Variants in ADCYAP1R1 observed in about 807,000 individuals in gnomAD.
ADCYAP1R1 encodes the protein ADCYAP receptor type I.
Under a neutral mutation model 67.6 loss-of-function variants are expected in ADCYAP1R1, and 44 were observed. That is an observed-to-expected ratio of 0.65 (90% CI 0.51 to 0.84). The LOEUF (loss-of-function observed/expected upper bound fraction) is 0.84, where lower values mean the gene tolerates loss of function less well. Among genes scored for constraint, ADCYAP1R1 ranks in the 40% least tolerant of loss-of-function variants. The probability of loss-of-function intolerance (pLI) is 0.00; values close to 1 mark genes in which losing one functional copy is unlikely to be tolerated. For missense variants in ADCYAP1R1, 477 were observed against 587.9 expected (o/e 0.81, Z 1.95); for synonymous variants, 222 against 219.6 (o/e 1.01, Z -0.10).
intron 1 of ADCYAP1R1, among the ~76,000 whole-genome samples, chr7:31,053,126 C>T (rs992217055): frequency 6.6e-6 from 1 of 152,162 alleles, no homozygotes. Context: ...GCTGGAGGGT[C>T]CCCCGGGGCT....
chr7:31,088,266 T>C (rs1795833681), intron 12 of ADCYAP1R1, among the ~76,000 whole-genome samples: 1 of 152,244 alleles, frequency 6.6e-6, no homozygotes, highest in Admixed American at 6.5e-5. Flanking sequence ...TGTTCAGTTT[T>C]CTATCAGATT....
chr7:31,081,054 T>G (rs1339707920), intron 5 of ADCYAP1R1, among the ~76,000 whole-genome samples: 2 of 152,202 alleles, frequency 1.3e-5, no homozygotes, highest in African/African-American at 4.8e-5. Context: ...GAGCAAATGA[T>G]GCAGCATGCA....
At chr7:31,089,867 C>G (rs1795895370) in intron 12 of ADCYAP1R1, among the ~76,000 whole-genome samples, 1 of 152,098 alleles carries the variant, frequency 6.6e-6, no homozygotes, top group African/African-American at 2.4e-5. Flanking sequence ...TCTGTTTATT[C>G]TTTTACTGTA....
At chr7:31,099,255 C>T (rs1311869145) in intron 13 of ADCYAP1R1, among the ~76,000 whole-genome samples, 1 of 152,212 alleles carries the variant, frequency 6.6e-6, no homozygotes, top group African/African-American at 2.4e-5. Context: ...CAGTCTTCAG[C>T]CCCTGCCCAT....
intron 12 of ADCYAP1R1, among the ~76,000 whole-genome samples, chr7:31,091,734 G>A (rs1795969800): frequency 6.6e-6 from 1 of 152,076 alleles, no homozygotes; most frequent in Non-Finnish European, 1.5e-5. Flanking sequence ...TTGTAGCAGA[G>A]AACACGATTG....
rs62450073 is a variant in ADCYAP1R1, at chr7:31,066,083, G to C, written c.157+1147G>C. On this transcript the variant is annotated intron_variant, in intron 3 of 15. Transcript: ENST00000304166. ...CCAGTGAGGGAAACTGAGGCAGGGGGCCAGAAGGGCACACAGTTGGAGGAG... is the reference window on the plus strand; with the variant it reads ...CCAGTGAGGGAAACTGAGGCAGGGGCCCAGAAGGGCACACAGTTGGAGGAG... 4.6e-5 allele frequency among the ~76,000 whole-genome samples: 7 copies of C among 152,256 alleles called. No homozygotes were observed. In the East Asian group the frequency reaches 1.4e-3, roughly 30 times the overall value.
At chr7:31,053,453 A>G (rs1043160696) in intron 1 of ADCYAP1R1, among the ~76,000 whole-genome samples, 6 of 152,204 alleles carry the variant, frequency 3.9e-5, no homozygotes, top group African/African-American at 1.4e-4. Flanking sequence ...CGGAGGCCAC[A>G]TCCTCGGCGG....
rs1584514841 is a variant in ADCYAP1R1 at position 31,084,353 on chromosome 7, C to T, written c.438+103C>T. The T allele has an allele frequency of 1.3e-5, 11 of 876,836 alleles. No individual in the cohort carries two copies. In the East Asian group the frequency reaches 2.7e-4, roughly 22 times the overall value. The allele number at this position is 876,836 out of a possible 1,614,324, so 54.3% of individuals were successfully genotyped here. A position where few individuals can be genotyped will look rare whatever the true frequency, so the allele number is the denominator to read the frequency against. ...AGCACCTGCTGGGGCTGAGAAGCAA[C>T]TGGGATGCTGCCTACTCCTCCCCAC... is the stretch of plus-strand genomic sequence containing the variant. On this transcript the variant is annotated intron_variant, in intron 7 of 15. Coordinates refer to ENST00000304166, the MANE Select transcript of ADCYAP1R1 (RefSeq NM_001118.5).
At position 31,092,673 on chromosome 7, in the gene ADCYAP1R1, C is replaced by T. The variant is rs1173609428; in HGVS notation, c.984C>T (p.Ile328=). The T allele has an allele frequency of 2.2e-5, 36 of 1,609,654 alleles. No homozygotes were observed. The highest frequency in any genetic ancestry group is 1.6e-4 in the Middle Eastern group (1 of 6,074). Residue 328 remains isoleucine, a synonymous_variant, in exon 13 of 16, where the codon ATC becomes ATT. Coordinates refer to ENST00000304166, the MANE Select transcript of ADCYAP1R1 (RefSeq NM_001118.5). The stretch of plus-strand genomic sequence containing the variant: ...ACTTTGTGCTTTTTATTGGCATTAT[C>T]GTCATCCTTGTGCAGAAACTTCAGT... ...MVNFVLFIGI[I]VILVQKLQSP...
chr7:31,096,570 A>G (rs1225181362), intron 13 of ADCYAP1R1, among the ~76,000 whole-genome samples: 1 of 152,232 alleles, frequency 6.6e-6, no homozygotes, highest in Non-Finnish European at 1.5e-5. Context: ...CCCAGCAGTC[A>G]GTGGCTGAGC....
intron 4 of ADCYAP1R1, 74 bp from the exon 5 acceptor site, chr7:31,080,539 A>C: frequency 1.4e-6 from 2 of 1,478,200 alleles, no homozygotes; most frequent in Non-Finnish European, 1.9e-6. Flanking sequence ...AGACCCAAGG[A>C]GAGCAGCCCC....
chr7:31,055,446 A>G (rs1041728823), intron 1 of ADCYAP1R1, among the ~76,000 whole-genome samples: 2 of 152,192 alleles, frequency 1.3e-5, no homozygotes, highest in African/African-American at 4.8e-5. Flanking sequence ...GCTTGTGTCC[A>G]TATACAACTA....
intron 3 of ADCYAP1R1, among the ~76,000 whole-genome samples, chr7:31,076,211 C>T (rs564711230): frequency 6.6e-6 from 1 of 152,314 alleles, no homozygotes; most frequent in African/African-American, 2.4e-5. Flanking sequence ...GCTACCAGCA[C>T]CTGCATTCGG....
At position 31,086,991 on chromosome 7, in the gene ADCYAP1R1, T is replaced by C. The variant is rs780950409; in HGVS notation, c.872T>C (p.Phe291Ser). ...GTGTGGGCTACGCTGAGACTCTACT[T>C]TGATGACACAGGGTTAGTACATGCG... ...VTVWATLRLYFDDTGCWDMND... is the reference protein window; with the variant it reads ...VTVWATLRLYSDDTGCWDMND... Residue 291 changes from phenylalanine (F) to serine (S), a missense_variant, in exon 11 of 16, where the codon TTT becomes TCT. By Grantham distance (155) the Phe-to-Ser change is radical. Coordinates refer to ENST00000304166, the MANE Select transcript of ADCYAP1R1 (RefSeq NM_001118.5). This position sits in a 1 kb window ranked among gnomAD's most constrained non-coding sequence, Gnocchi z 5.0. The C allele has an allele frequency of 6.2e-7, 1 of 1,614,070 alleles. No homozygotes were observed. The highest frequency in any genetic ancestry group is 1.7e-5 in the Admixed American group (1 of 60,006).
intron 4 of ADCYAP1R1, among the ~76,000 whole-genome samples, chr7:31,079,503 A>G (rs1423234398): frequency 6.6e-6 from 1 of 152,234 alleles, no homozygotes; most frequent in African/African-American, 2.4e-5. Flanking sequence ...GCGAGTTTCC[A>G]GGCTCCACTC....
Position 31,103,233 on chromosome 7 carries a change from A to G in ADCYAP1R1, c.1047-4A>G. On this transcript the variant is annotated splice_polypyrimidine_tract_variant and splice_region_variant and intron_variant, in intron 13 of 15. Coordinates refer to ENST00000304166, the MANE Select transcript of ADCYAP1R1 (RefSeq NM_001118.5). ...AGAGCAGATGTTTTGCTTTCCTCCG[A>G]CAGGCGACTGGCCCGGTCCACCCTG... The G allele has an allele frequency of 3.7e-6, 6 of 1,613,864 alleles. No homozygotes were observed. Among genetic ancestry groups the G allele is most frequent in the Non-Finnish European group, 5.1e-6 (6 of 1,179,862 alleles).
At chr7:31,081,040 A>G (rs1287164475) in intron 5 of ADCYAP1R1, among the ~76,000 whole-genome samples, 1 of 152,250 alleles carries the variant, frequency 6.6e-6, no homozygotes, top group African/African-American at 2.4e-5. Flanking sequence ...GCAAGAGAAC[A>G]GAAGAGCAAA....
intron 4 of ADCYAP1R1, among the ~76,000 whole-genome samples, 177 bp from the exon 5 acceptor site, chr7:31,080,436 C>A (rs1015117331): frequency 2.0e-5 from 3 of 152,162 alleles, no homozygotes; most frequent in African/African-American, 7.2e-5. Context: ...TGGAGGTCTC[C>A]AGTGTCCCCA....
In ADCYAP1R1 at chr7:31,086,985, T is replaced by G; in HGVS notation, c.866T>G (p.Leu289Arg). Residue 289 changes from leucine (L) to arginine (R), a missense_variant, in exon 11 of 16, where the codon CTC (leucine) becomes CGC (arginine). By Grantham distance (102) the Leu-to-Arg change is moderately radical. Transcript: ENST00000304166. This position sits in a 1 kb window ranked among gnomAD's most constrained non-coding sequence, Gnocchi z 5.0. ...VCVTVWATLRLYFDDTGCWDM... is the reference protein window; with the variant it reads ...VCVTVWATLRRYFDDTGCWDM... ...GTGACAGTGTGGGCTACGCTGAGACTCTACTTTGATGACACAGGGTTAGTA... is the reference window on the plus strand; with the variant it reads ...GTGACAGTGTGGGCTACGCTGAGACGCTACTTTGATGACACAGGGTTAGTA... 1 of 1,614,182 alleles carries G rather than the reference T, an allele frequency of 6.2e-7. No individual in the cohort carries two copies. The highest frequency in any genetic ancestry group is 2.2e-5 in the East Asian group (1 of 44,884).
Sources: allele counts gnomAD v4.1 joint callset (sites outside exome capture counted in the v4.1 genomes callset), GRCh38; gene constraint gnomAD v4.1.1; non-coding constraint Gnocchi (gnomAD v3.1); transcripts MANE v1.5; gene names NCBI Gene and HGNC (gene_info 2026-07-23, HGNC 2026-07-21).